ALPL: variants seen among roughly 807,000 people sequenced by gnomAD.
ALPL encodes alkaline phosphatase, biomineralization associated.
In ALPL, 42 loss-of-function variants were observed where a neutral mutation model predicts 51.3. The observed-to-expected ratio is 0.82, with a 90% confidence interval of 0.64 to 1.06. The LOEUF is 1.06. Ranked by LOEUF, ALPL falls within the 50% of genes least tolerant of loss-of-function variation. ALPL has a pLI of 0.00. For synonymous variants in ALPL, 279 were observed against 296.4 expected (o/e 0.94, Z 0.60); for missense variants, 589 against 709.4 (o/e 0.83, Z 1.93).
chr1:21,577,795 A>C lies in ALPL; in HGVS notation c.*147A>C. The C allele has an allele frequency of 9.2e-7, 1 of 1,087,002 alleles. No individual in the cohort carries two copies. Among genetic ancestry groups the C allele is most frequent in the Non-Finnish European group, 1.3e-6 (1 of 773,666 alleles). 67.3% of individuals were successfully genotyped at this position (1,087,002 alleles called of 1,614,324 possible). On this transcript the variant is annotated 3_prime_UTR_variant, in exon 12 of 12. Coordinates refer to ENST00000374840, the MANE Select transcript of ALPL (RefSeq NM_000478.6). ...CCCAAGAAACCAAAGTCTGCCGCCC[A>C]CCTCGCTCCCCTCTGGAATCTTCCC... is the stretch of plus-strand genomic sequence containing the variant.
chr1:21,576,253 T>TGATGGATG (rs1558557824), intron 10 of ALPL, among the ~76,000 whole-genome samples: 1 of 57,380 alleles, frequency 1.7e-5, no homozygotes, highest in Non-Finnish European at 4.1e-5. Flanking sequence ...GATGGATGGA[T>TGATGGATG]GATGGATGGA....
intron 8 of ALPL, among the ~76,000 whole-genome samples, chr1:21,571,715 T>TAAGGAGGGA: frequency 6.6e-6 from 1 of 150,760 alleles, no homozygotes; most frequent in African/African-American, 2.4e-5. Flanking sequence ...TTAGGCCAGG[T>TAAGGAGGGA]GCAATGGCTC....
chr1:21,550,647 C>T (rs924355336), intron 1 of ALPL, among the ~76,000 whole-genome samples: 6 of 152,122 alleles, frequency 3.9e-5, no homozygotes, highest in Non-Finnish European at 5.9e-5. Context: ...ACCCACCCAC[C>T]CAGATCAATC....
intron 6 of ALPL, 131 bp from the exon 7 acceptor site, chr1:21,567,973 C>T: frequency 7.9e-7 from 1 of 1,263,404 alleles, no homozygotes; most frequent in East Asian, 2.3e-5. Flanking sequence ...TGACTGAGGC[C>T]TGGCTCACCA....
In ALPL at chr1:21,564,084, C is replaced by T; in HGVS notation, c.516C>T (p.Ala172=). The T allele has an allele frequency of 1.9e-6, 3 of 1,614,102 alleles. No homozygotes were observed. The highest frequency in any genetic ancestry group is 2.5e-6 in the Non-Finnish European group (3 of 1,180,010). ...GIVTTTRVNH[A]TPSAAYAHSA... The stretch of plus-strand genomic sequence containing the variant: ...TGACCACCACGAGAGTGAACCATGC[C>T]ACCCCCAGCGCCGCCTACGCCCACT... Residue 172 remains alanine, a synonymous_variant, in exon 6 of 12, where the codon GCC becomes GCT. Coordinates refer to ENST00000374840, the MANE Select transcript of ALPL (RefSeq NM_000478.6). This position sits in a 1 kb window ranked among gnomAD's most constrained non-coding sequence, Gnocchi z 5.8.
At chr1:21,554,801 CTGT>C (rs1212550110) in intron 2 of ALPL, among the ~76,000 whole-genome samples, 3 of 30,190 alleles carry the variant, frequency 9.9e-5, no homozygotes, top group East Asian at 1.5e-3. Flanking sequence ...GTCTGTCTGT[CTGT>C]CTGTCTGTCT....
At chr1:21,547,446 G>T (rs1644267539) in intron 1 of ALPL, among the ~76,000 whole-genome samples, 1 of 152,144 alleles carries the variant, frequency 6.6e-6, no homozygotes, top group Non-Finnish European at 1.5e-5. Flanking sequence ...CCTCACGGTG[G>T]CCCTCAGCCT....
At chr1:21,570,047 C>T (rs889028823) in intron 7 of ALPL, among the ~76,000 whole-genome samples, 2 of 152,212 alleles carry the variant, frequency 1.3e-5, no homozygotes, top group Non-Finnish European at 2.9e-5. Flanking sequence ...ATCACCTCCA[C>T]CAGGAAGCCC....
intron 1 of ALPL, among the ~76,000 whole-genome samples, chr1:21,521,361 T>G (rs1357783185): frequency 6.6e-6 from 1 of 152,126 alleles, no homozygotes; most frequent in East Asian, 1.9e-4. Flanking sequence ...ATTTTTGTAT[T>G]TTTAGGAGAG....
chr1:21,552,019 C>T (rs926307085), intron 1 of ALPL, among the ~76,000 whole-genome samples: 5 of 150,358 alleles, frequency 3.3e-5, no homozygotes, highest in Non-Finnish European at 5.9e-5. Context: ...GCCACCGCGC[C>T]CGGCCATTTG....
At chr1:21,561,292 G>C in intron 4 of ALPL, 80 bp downstream of exon 4, 1 of 1,306,950 alleles carries the variant, frequency 7.7e-7, no homozygotes, top group Non-Finnish European at 1.1e-6. Flanking sequence ...AGCAGCCAGA[G>C]GTCCCCTGAC....
intron 1 of ALPL, among the ~76,000 whole-genome samples, chr1:21,528,844 C>T (rs1048110954): frequency 1.3e-5 from 2 of 151,070 alleles, no homozygotes; most frequent in South Asian, 2.1e-4. Context: ...CCGAGGTGGG[C>T]GGATCACCTG....
chr1:21,554,829 C>CTTTCTTTCTCTCTTTCTTTCTT lies in ALPL; in HGVS notation c.61+696_61+697insCTCTTTCTTTCTTTTTCTTTCT, dbSNP rs1558543965. Among the ~76,000 whole-genome samples the CTTTCTTTCTCTCTTTCTTTCTT allele has an allele frequency of 7.7e-4, 95 of 123,032 alleles. 3 individuals carry two copies. Among genetic ancestry groups the CTTTCTTTCTCTCTTTCTTTCTT allele is most frequent in the African/African-American group, 2.7e-3 (91 of 33,154 alleles). 80.7% of individuals were successfully genotyped at this position (123,032 alleles called of 152,430 possible). A position where few individuals can be genotyped will look rare whatever the true frequency, so the allele number is the denominator to read the frequency against. On this transcript the variant is annotated intron_variant, in intron 2 of 11. Transcript: ENST00000374840. ...TCTGTCTGTCTGTCTTTCTTTCTTT[C>CTTTCTTTCTCTCTTTCTTTCTT]TTTCTTTCTTTCTTTCTTTCTTTCT...
intron 10 of ALPL, among the ~76,000 whole-genome samples, 191 bp downstream of exon 10, chr1:21,576,115 G>T (rs983364989): frequency 6.6e-6 from 1 of 152,072 alleles, no homozygotes; most frequent in African/African-American, 2.4e-5. Flanking sequence ...AGTGGTGGTC[G>T]GGTAGACAGG....
At chr1:21,521,271 G>T (rs187673867) in intron 1 of ALPL, among the ~76,000 whole-genome samples, 1 of 151,930 alleles carries the variant, frequency 6.6e-6, no homozygotes, top group African/African-American at 2.4e-5. Flanking sequence ...TGCAACCTGC[G>T]CCTCCCGGGT....
intron 2 of ALPL, among the ~76,000 whole-genome samples, chr1:21,556,829 C>T (rs1644420128): frequency 6.6e-6 from 1 of 152,110 alleles, no homozygotes; most frequent in South Asian, 2.1e-4. Context: ...ATGCCAGCTA[C>T]TTGGGAGGCT....
At chr1:21,574,755 C>A in intron 9 of ALPL, 1 of 152,410 alleles carries the variant, frequency 6.6e-6, no homozygotes. Context: ...TGAGCACGGG[C>A]TCCCCCGGGA....
intron 1 of ALPL, among the ~76,000 whole-genome samples, chr1:21,530,447 C>CT (rs1473380099): frequency 2.6e-5 from 4 of 152,150 alleles, no homozygotes; most frequent in Admixed American, 2.6e-4. Context: ...TGGTAAGAGT[C>CT]TAAGGCTGAC....
chr1:21,539,486 G>A (rs1644152702), intron 1 of ALPL, among the ~76,000 whole-genome samples: 2 of 152,016 alleles, frequency 1.3e-5, no homozygotes, highest in Admixed American at 6.6e-5. Context: ...ACTAATGTAC[G>A]GAAGTCCAAG....
Sources: gnomAD v4.1 joint callset for allele counts (sites outside exome capture counted in the v4.1 genomes callset) on GRCh38, gnomAD v4.1.1 for gene constraint, Gnocchi (gnomAD v3.1) non-coding constraint, MANE v1.5 for transcripts, NCBI Gene and HGNC (gene_info 2026-07-23, HGNC 2026-07-21) for gene names.